The following TAFA2 variants were observed in gnomAD, a reference collection of about 807,000 sequenced individuals.
The protein encoded by TAFA2 is TAFA chemokine like family member 2, also known as chemokine-like protein TAFA-2.
TAFA2 carries 7 observed loss-of-function variants against 18.8 expected under a neutral mutation model. That is an observed-to-expected ratio of 0.37 (90% CI 0.21 to 0.70). TAFA2 has a LOEUF of 0.70. Ranked by LOEUF, TAFA2 falls within the 30% of genes least tolerant of loss-of-function variation. TAFA2 has a pLI of 0.53. For synonymous variants in TAFA2, 60 were observed against 54.2 expected, an observed-to-expected ratio of 1.11 and a Z score of -0.47; for missense variants, 122 against 158.1, an observed-to-expected ratio of 0.77 and a Z score of 1.23.
At chr12:61,776,314 C>A (rs1870260231) in intron 2 of TAFA2, 1 of 178,060 alleles carries the variant, frequency 5.6e-6, no homozygotes, top group Non-Finnish European at 1.2e-5. Context: ...CCTGAAGCAC[C>A]ATCCTGCTCC....
At chr12:61,825,673 A>G (rs1438108567) in intron 2 of TAFA2, among the ~76,000 whole-genome samples, 2 of 152,112 alleles carry the variant, frequency 1.3e-5, no homozygotes, top group African/African-American at 2.4e-5. Flanking sequence ...GGTGTTTCTA[A>G]TGCTTTTCAG....
rs924734927 is a variant in TAFA2, at chr12:61,930,023, G to C, written c.-1-62597C>G. ...ACTGTTGTGGGGTGGGGGTAGGGGG[G>C]AGGGATAGCATTAGGAGGTCTACCT... On this transcript the variant is annotated intron_variant, in intron 1 of 4. Transcript: ENST00000416284. Among the ~76,000 whole-genome samples the C allele has an allele frequency of 2.1e-5, 3 of 145,608 alleles. No individual in the cohort carries two copies. The South Asian group carries it at 6.3e-4, about 31-fold the overall frequency.
At chr12:61,871,736 AT>A (rs1282052773) in intron 1 of TAFA2, among the ~76,000 whole-genome samples, 1 of 152,192 alleles carries the variant, frequency 6.6e-6, no homozygotes, top group Non-Finnish European at 1.5e-5. Flanking sequence ...TATTTCACTT[AT>A]GTACACGGAA....
At position 62,082,295 on chromosome 12, in the gene TAFA2, T is replaced by A. The variant is rs567465034; in HGVS notation, c.-2+108964A>T. 6.4e-4 allele frequency among the ~76,000 whole-genome samples: 98 copies of A among 152,318 alleles called. No individual in the cohort carries two copies. The South Asian group carries it at 0.02, about 31-fold the overall frequency. On this transcript the variant is annotated intron_variant, in intron 1 of 4. Coordinates refer to ENST00000416284, the MANE Select transcript of TAFA2 (RefSeq NM_178539.5). ...TTTATAATAGAACAAATTATATTCC[T>A]TTGGGTATATACCAGTAATGGAATT...
At chr12:61,894,674 G>A (rs1875766812) in intron 1 of TAFA2, among the ~76,000 whole-genome samples, 1 of 152,204 alleles carries the variant, frequency 6.6e-6, no homozygotes, top group South Asian at 2.1e-4. Flanking sequence ...ACAAAAGAGT[G>A]ATAGTGTGGT....
At chr12:61,758,282 A>T (rs763625867) in intron 2 of TAFA2, among the ~76,000 whole-genome samples, 18 of 152,124 alleles carry the variant, frequency 1.2e-4, no homozygotes, top group Non-Finnish European at 2.4e-4. Flanking sequence ...GGAATGAATC[A>T]TGGGGTCAAG....
In TAFA2 at chr12:62,124,714, C is replaced by A. The variant is rs60797517; in HGVS notation, c.-2+66545G>T. ...ATTTTCCTTAAGATAGGCTAGTATT[C>A]AACAATAAATACATCTTAAATCAAT... On this transcript the variant is annotated intron_variant, in intron 1 of 4. Coordinates refer to ENST00000416284, the MANE Select transcript of TAFA2 (RefSeq NM_178539.5). Among the ~76,000 whole-genome samples, 682 of 152,144 alleles carry A rather than the reference C, an allele frequency of 4.5e-3. 6 individuals are homozygous for A. The highest frequency in any genetic ancestry group is 0.015 in the African/African-American group (632 of 41,514).
chr12:62,064,099 CAG>C (rs548018639), intron 1 of TAFA2, among the ~76,000 whole-genome samples: 4 of 152,080 alleles, frequency 2.6e-5, no homozygotes, highest in South Asian at 2.1e-4. Flanking sequence ...AACTGAGGCT[CAG>C]GGGGAAATTT....
At chr12:61,741,223 T>G (rs554273649) in intron 4 of TAFA2, among the ~76,000 whole-genome samples, 2 of 151,586 alleles carry the variant, frequency 1.3e-5, no homozygotes, top group East Asian at 3.9e-4. Flanking sequence ...CCCCAATTTT[T>G]TATATGCAAA....
chr12:61,769,496 T>C (rs1241661644), intron 2 of TAFA2, among the ~76,000 whole-genome samples: 2 of 151,984 alleles, frequency 1.3e-5, no homozygotes, highest in African/African-American at 4.8e-5. Flanking sequence ...TTTACTCCCC[T>C]GCTACTTCCA....
intron 1 of TAFA2, among the ~76,000 whole-genome samples, chr12:61,925,992 G>C (rs1877273525): frequency 6.6e-6 from 1 of 151,876 alleles, no homozygotes. Context: ...GAATCAAATA[G>C]ACACAATAAA....
intron 1 of TAFA2, among the ~76,000 whole-genome samples, chr12:62,009,897 C>G (rs1880673545): frequency 6.6e-6 from 1 of 152,124 alleles, no homozygotes; most frequent in African/African-American, 2.4e-5. Flanking sequence ...GATAGGAATG[C>G]CTTGGTGACA....
intron 4 of TAFA2, among the ~76,000 whole-genome samples, chr12:61,746,905 G>C (rs1868737913): frequency 1.3e-5 from 2 of 152,028 alleles, no homozygotes; most frequent in South Asian, 4.1e-4. Context: ...CACAGCAAAA[G>C]AAACTACCAT....
chr12:62,198,656 C>G (rs1025072184), intron 1 of TAFA2, among the ~76,000 whole-genome samples: 1 of 152,114 alleles, frequency 6.6e-6, no homozygotes, highest in African/African-American at 2.4e-5. Context: ...TAATGTGTCT[C>G]TCACTTATCT....
rs532920880 is a variant in TAFA2 at position 61,971,171 on chromosome 12, G to A, written c.-1-103745C>T. On this transcript the variant is annotated intron_variant, in intron 1 of 4. Coordinates refer to ENST00000416284, the MANE Select transcript of TAFA2 (RefSeq NM_178539.5). ...TCATTTGAAAATCACACAGGAAAGG[G>A]TGATGAAGGAAGACTTCCTGGAAAG... Among the ~76,000 whole-genome samples the A allele has an allele frequency of 4.0e-5, 6 of 151,760 alleles. No individual in the cohort carries two copies. The South Asian group carries it at 1.0e-3, about 26-fold the overall frequency.
At chr12:61,732,081 A>C (rs1203373683) in intron 4 of TAFA2, among the ~76,000 whole-genome samples, 1 of 152,082 alleles carries the variant, frequency 6.6e-6, no homozygotes, top group East Asian at 1.9e-4. Flanking sequence ...GGGACTTTTG[A>C]GACAGGGATG....
intron 2 of TAFA2, among the ~76,000 whole-genome samples, chr12:61,762,821 T>C (rs867686923): frequency 6.6e-6 from 1 of 151,998 alleles, no homozygotes; most frequent in African/African-American, 2.4e-5. Context: ...TCTCATTGAT[T>C]ATGAAATTTT....
chr12:62,112,754 T>C (rs1869789503), intron 1 of TAFA2, among the ~76,000 whole-genome samples: 1 of 152,162 alleles, frequency 6.6e-6, no homozygotes, highest in Non-Finnish European at 1.5e-5. Context: ...TCGTATCTTT[T>C]CTTCCACTTG....
At chr12:61,773,064 G>A (rs1302069953) in intron 2 of TAFA2, among the ~76,000 whole-genome samples, 1 of 151,794 alleles carries the variant, frequency 6.6e-6, no homozygotes, top group Non-Finnish European at 1.5e-5. Flanking sequence ...CACCAACAGT[G>A]ACCAAGCTGA....
Sources: allele counts gnomAD v4.1 joint callset (sites outside exome capture counted in the v4.1 genomes callset), GRCh38; gene constraint gnomAD v4.1.1; transcripts MANE v1.5; gene names NCBI Gene and HGNC (gene_info 2026-07-23, HGNC 2026-07-21).